Variants in IFT80 observed in about 807,000 individuals in gnomAD.
The protein encoded by IFT80 is intraflagellar transport protein 80 homolog.
In IFT80, 79 loss-of-function variants were observed where a neutral mutation model predicts 107.9. That is an observed-to-expected ratio of 0.73 (90% CI 0.61 to 0.88). The LOEUF (loss-of-function observed/expected upper bound fraction) is 0.88, where lower values mean the gene tolerates loss of function less well. IFT80 is among the 40% of genes least tolerant of loss of function. IFT80 has a pLI of 0.00. For missense variants in IFT80, 797 were observed against 914.2 expected (o/e 0.87, Z 1.65); for synonymous variants, 299 against 300.9 (o/e 0.99, Z 0.07).
chr3:160,327,280 C>T (rs145439362), intron 8 of IFT80, among the ~76,000 whole-genome samples: 77 of 152,156 alleles, frequency 5.1e-4, no homozygotes, highest in Middle Eastern at 3.4e-3. Flanking sequence ...AATGCTATTC[C>T]CATTAAACTA....
intron 8 of IFT80, among the ~76,000 whole-genome samples, chr3:160,350,287 A>T (rs930147840): frequency 6.6e-6 from 1 of 151,610 alleles, no homozygotes. Context: ...GTGGTGGTGG[A>T]CGCCTGTAGT....
chr3:160,316,561 T>G (rs1288314068), intron 9 of IFT80, among the ~76,000 whole-genome samples: 1 of 152,190 alleles, frequency 6.6e-6, no homozygotes. Flanking sequence ...AAGGATAGAC[T>G]ATAGCATATA....
chr3:160,306,596 A>C (rs1716845287), intron 10 of IFT80, among the ~76,000 whole-genome samples: 3 of 151,988 alleles, frequency 2.0e-5, no homozygotes, highest in Admixed American at 6.6e-5. Context: ...AAAAAAAAAA[A>C]CTCACATAAA....
intron 9 of IFT80, among the ~76,000 whole-genome samples, chr3:160,308,158 A>G (rs1160317949): frequency 6.6e-6 from 1 of 152,168 alleles, no homozygotes; most frequent in Non-Finnish European, 1.5e-5. Context: ...TGGTAAGAAT[A>G]TCTCTTTTTG....
intron 10 of IFT80, among the ~76,000 whole-genome samples, chr3:160,305,817 A>G (rs1160056587): frequency 6.6e-6 from 1 of 152,146 alleles, no homozygotes; most frequent in Admixed American, 6.5e-5. Context: ...AGTTATTAAG[A>G]ACTTGTATTC....
At chr3:160,269,057 T>C (rs528860340) in intron 18 of IFT80, among the ~76,000 whole-genome samples, 136 of 152,108 alleles carry the variant, frequency 8.9e-4, no homozygotes, top group African/African-American at 3.1e-3. Flanking sequence ...GGCGAAACCC[T>C]GTCTCTGCTA....
rs1470989528 is a variant in IFT80, at chr3:160,257,656, C to T, written c.*869G>A. ...CATTTTTATGGGTACAATTTAGTGG[C>T]ATTAACATTCAAAATGTTGAGCAAC... is the stretch of plus-strand genomic sequence containing the variant. On this transcript the variant is annotated 3_prime_UTR_variant, in exon 20 of 20. Transcript: ENST00000326448. 1 of 152,112 alleles carries T rather than the reference C, an allele frequency of 6.6e-6. No homozygotes were observed. Among genetic ancestry groups the T allele is most frequent in the African/African-American group, 2.4e-5 (1 of 41,414 alleles). 9.4% of individuals were successfully genotyped at this position (152,112 alleles called of 1,614,324 possible). A position where few individuals can be genotyped will look rare whatever the true frequency, so the allele number is the denominator to read the frequency against.
chr3:160,338,011 G>A (rs896703809), intron 8 of IFT80, among the ~76,000 whole-genome samples: 2 of 151,972 alleles, frequency 1.3e-5, no homozygotes, highest in African/African-American at 4.8e-5. Context: ...TATGTACTTT[G>A]GATCTTCTCT....
chr3:160,375,677 A>T, intron 5 of IFT80, 135 bp downstream of exon 5: 1 of 656,612 alleles, frequency 1.5e-6, no homozygotes, highest in Non-Finnish European at 2.8e-6. Context: ...ACAGTGTAAA[A>T]TATAAGAGAT....
At chr3:160,395,350 C>T (rs1434919028) in intron 1 of IFT80, among the ~76,000 whole-genome samples, 1 of 152,164 alleles carries the variant, frequency 6.6e-6, no homozygotes, top group Admixed American at 6.5e-5. Flanking sequence ...CAGTAGAGTA[C>T]CCAATACACA....
intron 8 of IFT80, among the ~76,000 whole-genome samples, chr3:160,322,568 G>T (rs537675717): frequency 2.0e-5 from 3 of 152,094 alleles, no homozygotes; most frequent in Admixed American, 6.6e-5. Flanking sequence ...GGATGGCTGG[G>T]TCAAATGGTA....
intron 9 of IFT80, among the ~76,000 whole-genome samples, chr3:160,317,027 T>C (rs1157547685): frequency 1.3e-5 from 2 of 152,150 alleles, no homozygotes; most frequent in Non-Finnish European, 2.9e-5. Flanking sequence ...TCTTCATTTT[T>C]CACTTTAAAT....
At chr3:160,390,188 C>A (rs1051274281) in intron 1 of IFT80, among the ~76,000 whole-genome samples, 2 of 151,934 alleles carry the variant, frequency 1.3e-5, no homozygotes, top group African/African-American at 4.8e-5. Context: ...GAGGCCGAGG[C>A]GGGCGGATCA....
chr3:160,387,955 A>G (rs1034701065), intron 1 of IFT80, among the ~76,000 whole-genome samples: 4 of 152,190 alleles, frequency 2.6e-5, no homozygotes. Flanking sequence ...CTTAAAACAG[A>G]TTTTAGAGCC....
intron 8 of IFT80, among the ~76,000 whole-genome samples, chr3:160,339,285 T>C (rs1002589336): frequency 6.6e-6 from 1 of 152,204 alleles, no homozygotes; most frequent in Non-Finnish European, 1.5e-5. Flanking sequence ...TGTTTAAGAG[T>C]ATTTTGAGAC....
intron 8 of IFT80, among the ~76,000 whole-genome samples, chr3:160,329,610 GAGA>G (rs1718938849): frequency 6.6e-6 from 1 of 152,194 alleles, no homozygotes; most frequent in Admixed American, 6.6e-5. Flanking sequence ...CAGGGATGCA[GAGA>G]AGAAGAATCT....
At chr3:160,258,945 A>G (rs116464842) in intron 19 of IFT80, among the ~76,000 whole-genome samples, 2,357 of 152,084 alleles carry the variant, frequency 0.015, 67 homozygotes, top group African/African-American at 0.053. Flanking sequence ...AAATAAATAC[A>G]AAAAATAAAA....
chr3:160,323,768 AACTAAAATCAG>A (rs1205602725), intron 8 of IFT80, among the ~76,000 whole-genome samples: 1 of 152,168 alleles, frequency 6.6e-6, no homozygotes, highest in African/African-American at 2.4e-5. Context: ...GGCAAGAAAT[AACTAAAATCAG>A]AGCAGAACTG....
chr3:160,278,137 T>C (rs904749434), intron 16 of IFT80, among the ~76,000 whole-genome samples: 4 of 152,114 alleles, frequency 2.6e-5, no homozygotes, highest in African/African-American at 9.7e-5. Context: ...AGCCCCCAAA[T>C]CATTTTCTTT....
Sources: allele counts gnomAD v4.1 joint callset (sites outside exome capture counted in the v4.1 genomes callset), GRCh38; gene constraint gnomAD v4.1.1; transcripts MANE v1.5; gene names NCBI Gene and HGNC (gene_info 2026-07-23, HGNC 2026-07-21).